Variants in ANKFN1 observed in about 807,000 individuals in gnomAD.
ANKFN1 encodes the protein ankyrin repeat and fibronectin type III domain containing 1, also known as ankyrin repeat and fibronectin type-III domain-containing protein 1.
A neutral mutation model predicts 108.7 loss-of-function variants in ANKFN1; 74 were observed. The observed-to-expected ratio is 0.68, with a 90% CI of 0.56 to 0.83. The LOEUF (loss-of-function observed/expected upper bound fraction) is 0.83. Among genes scored for constraint, ANKFN1 ranks in the 40% least tolerant of loss-of-function variants. The probability of loss-of-function intolerance (pLI) is 0.00; values close to 1 mark genes in which losing one functional copy is unlikely to be tolerated. For missense variants in ANKFN1, 1,505 were observed against 1,382.3 expected, an observed-to-expected ratio of 1.09 and a Z score of -1.41; for synonymous variants, 547 against 516.2, an observed-to-expected ratio of 1.06 and a Z score of -0.81.
intron 4 of ANKFN1, among the ~76,000 whole-genome samples, chr17:56,101,537 C>A (rs1176608008): frequency 1.3e-5 from 2 of 152,214 alleles, no homozygotes; most frequent in Non-Finnish European, 2.9e-5. Flanking sequence ...GATAGTACTA[C>A]TCAAAGTGTG....
intron 6 of ANKFN1, among the ~76,000 whole-genome samples, chr17:56,357,021 A>C (rs1039367722): frequency 1.3e-5 from 2 of 152,198 alleles, no homozygotes; most frequent in Non-Finnish European, 2.9e-5. Flanking sequence ...ATCTAGTTAA[A>C]CCAAAAGCAA....
chr17:56,084,861 G>T (rs1049209544), intron 4 of ANKFN1, among the ~76,000 whole-genome samples: 1 of 150,842 alleles, frequency 6.6e-6, no homozygotes, highest in African/African-American at 2.4e-5. Context: ...AGTTGAGTTT[G>T]GTCAAGTGTC....
chr17:56,434,525 A>T (rs2048869445), intron 8 of ANKFN1, among the ~76,000 whole-genome samples: 1 of 152,202 alleles, frequency 6.6e-6, no homozygotes, highest in Non-Finnish European at 1.5e-5. Flanking sequence ...TGCTATGCAA[A>T]CAATAAAGAT....
chr17:56,106,497 A>G (rs929251626), intron 4 of ANKFN1, among the ~76,000 whole-genome samples: 1 of 152,194 alleles, frequency 6.6e-6, no homozygotes, highest in African/African-American at 2.4e-5. Context: ...CTCAAACGCT[A>G]GGCTTTGCGG....
intron 3 of ANKFN1, among the ~76,000 whole-genome samples, chr17:56,276,525 C>A (rs905561739): frequency 2.0e-5 from 3 of 152,164 alleles, no homozygotes; most frequent in Non-Finnish European, 4.4e-5. Flanking sequence ...TGGTTCCTGA[C>A]TTTTTAATGA....
chr17:56,339,166 GTTTTC>G (rs2045895809), intron 4 of ANKFN1, among the ~76,000 whole-genome samples: 1 of 121,250 alleles, frequency 8.2e-6, no homozygotes, highest in Non-Finnish European at 2.0e-5. Flanking sequence ...AAATTAAATT[GTTTTC>G]TTTATTTCAT....
intron 6 of ANKFN1, among the ~76,000 whole-genome samples, chr17:56,365,940 A>T (rs1019033327): frequency 3.3e-5 from 5 of 152,216 alleles, no homozygotes; most frequent in African/African-American, 1.2e-4. Context: ...TTTAAAAAAT[A>T]ATGGTTAACT....
rs567929841 is a variant in ANKFN1, at chr17:56,118,968, A to G, written c.288+72643A>G. Among the ~76,000 whole-genome samples, 4 of 152,248 alleles carry G rather than the reference A, an allele frequency of 2.6e-5. No homozygotes were observed. The East Asian group carries it at 7.7e-4, about 29-fold the overall frequency. ...GGTTTCCAGTTTGGGCAACAGGAAG[A>G]CAGTTGTGCTATTTTCTTAAGGAGC... On this transcript the variant is annotated intron_variant, in intron 4 of 12. Coordinates refer to the ANKFN1 transcript ENST00000635860.
intron 3 of ANKFN1, among the ~76,000 whole-genome samples, chr17:56,319,657 A>T (rs986363940): frequency 4.6e-5 from 7 of 152,194 alleles, no homozygotes; most frequent in Non-Finnish European, 1.0e-4. Flanking sequence ...CAAAGAATAC[A>T]GATGGCCTAG....
intron 3 of ANKFN1, among the ~76,000 whole-genome samples, chr17:56,231,477 A>G (rs1474510928): frequency 4.6e-5 from 7 of 152,172 alleles, no homozygotes; most frequent in Admixed American, 2.0e-4. Context: ...AAGGGTTTGC[A>G]GACTTTTGTT....
At chr17:56,085,311 G>C (rs1331447025) in intron 4 of ANKFN1, among the ~76,000 whole-genome samples, 2 of 150,394 alleles carry the variant, frequency 1.3e-5, no homozygotes, top group Non-Finnish European at 3.0e-5. Context: ...TACCAGGTGA[G>C]TCCTAAACCC....
chr17:56,050,056 G>T (rs999509854), intron 4 of ANKFN1, among the ~76,000 whole-genome samples: 4 of 151,828 alleles, frequency 2.6e-5, no homozygotes, highest in Non-Finnish European at 4.4e-5. Flanking sequence ...AGCACCTGTT[G>T]TTTCCTGACT....
At chr17:56,328,002 A>C (rs1363498091) in intron 4 of ANKFN1, among the ~76,000 whole-genome samples, 1 of 152,194 alleles carries the variant, frequency 6.6e-6, no homozygotes, top group East Asian at 1.9e-4. Context: ...GATCACACTT[A>C]GGGAATTAGA....
intron 3 of ANKFN1, among the ~76,000 whole-genome samples, chr17:56,294,750 A>G (rs1567892087): frequency 1.3e-5 from 2 of 152,234 alleles, no homozygotes; most frequent in East Asian, 1.9e-4. Context: ...AACTCAACCC[A>G]TTAATTTAGA....
intron 11 of ANKFN1, 108 bp downstream of exon 11, chr17:56,449,294 T>G: frequency 1.4e-5 from 10 of 726,756 alleles, no homozygotes; most frequent in South Asian, 5.8e-5. Context: ...GGGAGAGAGA[T>G]ATTAATATTT....
intron 16 of ANKFN1, among the ~76,000 whole-genome samples, chr17:56,478,978 G>GA (rs2050606298): frequency 3.9e-5 from 6 of 152,162 alleles, no homozygotes; most frequent in Admixed American, 3.9e-4. Flanking sequence ...GGAACTCACT[G>GA]ACTACCATAT....
chr17:56,304,344 G>A (rs1158969782), intron 3 of ANKFN1, among the ~76,000 whole-genome samples: 3 of 152,096 alleles, frequency 2.0e-5, no homozygotes, highest in Non-Finnish European at 2.9e-5. Context: ...TTTATTGCTA[G>A]GTAATATTCT....
intron 4 of ANKFN1, among the ~76,000 whole-genome samples, chr17:56,085,341 A>C (rs1347588572): frequency 6.6e-6 from 1 of 150,780 alleles, no homozygotes; most frequent in Non-Finnish European, 1.5e-5. Flanking sequence ...TATTCTTGTC[A>C]GAGACACGCA....
intron 6 of ANKFN1, among the ~76,000 whole-genome samples, chr17:56,371,270 G>T (rs1478232890): frequency 1.3e-5 from 2 of 151,918 alleles, no homozygotes; most frequent in African/African-American, 4.8e-5. Flanking sequence ...AAAGAAAGAA[G>T]AAAGAAAGAA....
Sources: allele counts gnomAD v4.1 joint callset (sites outside exome capture counted in the v4.1 genomes callset), GRCh38; gene constraint gnomAD v4.1.1; transcripts MANE v1.5; gene names NCBI Gene and HGNC (gene_info 2026-07-23, HGNC 2026-07-21).